MAML3: variants seen among roughly 807,000 people sequenced by gnomAD.
MAML3 encodes the protein mastermind-like protein 3.
MAML3 carries 27 observed loss-of-function variants against 101.9 expected under a neutral mutation model. That is an observed-to-expected ratio of 0.27 (90% CI 0.20 to 0.37). The LOEUF (loss-of-function observed/expected upper bound fraction) is 0.37, where lower values mean the gene tolerates loss of function less well. MAML3 is among the 10% of genes least tolerant of loss of function. The pLI is 1.00. For missense variants in MAML3, 1,316 were observed against 1,444.9 expected (o/e 0.91, Z 1.45); for synonymous variants, 501 against 555.9 (o/e 0.90, Z 1.39).
chr4:140,147,916 A>ATGTGTGTG (rs5862457), intron 1 of MAML3, among the ~76,000 whole-genome samples: 12 of 150,888 alleles, frequency 8.0e-5, no homozygotes, highest in African/African-American at 1.9e-4. Flanking sequence ...GAATGAGTGA[A>ATGTGTGTG]TGTGTGTGTG....
intron 2 of MAML3, among the ~76,000 whole-genome samples, chr4:139,853,049 A>AGAC (rs1045664892): frequency 6.6e-6 from 1 of 152,254 alleles, no homozygotes; most frequent in Non-Finnish European, 1.5e-5. Flanking sequence ...CTTGTGTTAC[A>AGAC]GACAAGACCT....
At chr4:140,112,555 G>A (rs1469590391) in intron 1 of MAML3, among the ~76,000 whole-genome samples, 1 of 152,210 alleles carries the variant, frequency 6.6e-6, no homozygotes, top group African/African-American at 2.4e-5. Context: ...CACACAGCTG[G>A]GCTATGAAAG....
intron 1 of MAML3, among the ~76,000 whole-genome samples, chr4:140,121,059 T>C (rs1428943174): frequency 6.6e-6 from 1 of 152,236 alleles, no homozygotes; most frequent in African/African-American, 2.4e-5. Flanking sequence ...ATTCTGCCAG[T>C]GGATATGCTG....
chr4:140,079,237 T>C (rs185509281), intron 1 of MAML3, among the ~76,000 whole-genome samples: 107 of 152,276 alleles, frequency 7.0e-4, no homozygotes, highest in African/African-American at 2.5e-3. Flanking sequence ...TGAATGAACA[T>C]CCTTCTGAAA....
chr4:140,132,080 C>T (rs1485613016), intron 1 of MAML3, among the ~76,000 whole-genome samples: 2 of 152,190 alleles, frequency 1.3e-5, no homozygotes, highest in African/African-American at 2.4e-5. Flanking sequence ...GAGCCTACAC[C>T]CATGCAATCA....
chr4:140,057,708 T>G (rs1174428994), intron 1 of MAML3, among the ~76,000 whole-genome samples: 5 of 152,190 alleles, frequency 3.3e-5, no homozygotes, highest in African/African-American at 4.8e-5. Context: ...TGGGGAGGTA[T>G]TAAACTCATT....
chr4:139,998,519 C>T, intron 1 of MAML3, among the ~76,000 whole-genome samples: 1 of 152,206 alleles, frequency 6.6e-6, no homozygotes, highest in East Asian at 1.9e-4. Context: ...TTGTTTTATA[C>T]ATAATGTTGA....
intron 1 of MAML3, among the ~76,000 whole-genome samples, chr4:140,083,695 C>G (rs1331252217): frequency 6.6e-6 from 1 of 152,090 alleles, no homozygotes; most frequent in African/African-American, 2.4e-5. Flanking sequence ...GAAGGTTCCC[C>G]TAAGTTTCCC....
rs1463855515 is a variant in MAML3 at position 139,990,496 on chromosome 4, AG to A, written c.469-99530del. Among the ~76,000 whole-genome samples the A allele has an allele frequency of 3.0e-4, 45 of 149,872 alleles. 1 individual carries two copies. Among genetic ancestry groups the A allele is most frequent in the Non-Finnish European group, 8.9e-5 (6 of 67,482 alleles). On this transcript the variant is annotated intron_variant, in intron 1 of 4. Coordinates refer to ENST00000509479, the MANE Select transcript of MAML3 (RefSeq NM_018717.5). ...TTCCCTTTGAAAACTGGCACAAGAC[AG>A]GGATGCCCTCTCTCACCACTCCTAT...
chr4:139,875,606 T>C (rs1448062660), intron 2 of MAML3, among the ~76,000 whole-genome samples: 1 of 152,142 alleles, frequency 6.6e-6, no homozygotes, highest in Non-Finnish European at 1.5e-5. Context: ...GCTCCTGACC[T>C]CACAGCAGGA....
intron 1 of MAML3, among the ~76,000 whole-genome samples, chr4:139,945,965 C>G (rs1275103297): frequency 2.6e-5 from 4 of 152,194 alleles, no homozygotes; most frequent in Non-Finnish European, 5.9e-5. Context: ...CACTGCACAC[C>G]TTCTCAGTCC....
At position 140,153,286 on chromosome 4, in the gene MAML3, A is replaced by T; in HGVS notation, c.42T>A (p.Ser14Arg). 1 of 1,605,410 alleles carries T rather than the reference A, an allele frequency of 6.2e-7. No individual in the cohort carries two copies. The highest frequency in any genetic ancestry group is 8.5e-7 in the Non-Finnish European group (1 of 1,175,650). The change falls in exon 1 of 5, where the codon AGT becomes AGA. Residue 14 changes from serine (S) to arginine (R), a missense_variant. Ser to Arg is a moderately radical substitution (Grantham distance 110). Coordinates refer to ENST00000509479, the MANE Select transcript of MAML3 (RefSeq NM_018717.5). ...FAAPAAAANG[S>R]SICINSSLNS... Reference sequence around the variant, plus strand: ...TCAGGCTACTGTTGATGCAAATACTACTGCCATTCGCGGCAGCAGCGGGGG... The same window carrying T: ...TCAGGCTACTGTTGATGCAAATACTTCTGCCATTCGCGGCAGCAGCGGGGG...
intron 1 of MAML3, among the ~76,000 whole-genome samples, chr4:140,014,413 A>G (rs942742933): frequency 6.6e-6 from 1 of 152,252 alleles, no homozygotes; most frequent in Non-Finnish European, 1.5e-5. Context: ...TGCAAAAACT[A>G]GGAACAGCCT....
chr4:140,112,106 C>T (rs1728447701), intron 1 of MAML3, among the ~76,000 whole-genome samples: 1 of 151,926 alleles, frequency 6.6e-6, no homozygotes, highest in Non-Finnish European at 1.5e-5. Context: ...TTTACCTCTC[C>T]CCTCATTTGT....
intron 1 of MAML3, among the ~76,000 whole-genome samples, chr4:140,142,089 T>A (rs1460455068): frequency 6.6e-6 from 1 of 152,218 alleles, no homozygotes; most frequent in Non-Finnish European, 1.5e-5. Flanking sequence ...CAATATGGAA[T>A]GCTATATAGC....
intron 2 of MAML3, among the ~76,000 whole-genome samples, chr4:139,786,089 G>A (rs533568685): frequency 6.6e-6 from 1 of 152,018 alleles, no homozygotes; most frequent in Non-Finnish European, 1.5e-5. Context: ...GTTCATCTAA[G>A]AAGAGGAAAT....
chr4:140,135,925 A>G (rs1728874930), intron 1 of MAML3, among the ~76,000 whole-genome samples: 1 of 152,180 alleles, frequency 6.6e-6, no homozygotes, highest in African/African-American at 2.4e-5. Context: ...TTCTCCTTCA[A>G]CCTAATGAAT....
chr4:139,719,394 C>T lies in MAML3; in HGVS notation c.3346G>A (p.Asp1116Asn), dbSNP rs1229815925. Residue 1116 changes from aspartate (D) to asparagine (N), a missense_variant, in exon 5 of 5, where the codon GAC becomes AAC. Transcript: ENST00000509479. ...PGLPDGADLV[D>N]SIIKGGPGDE... is the part of the protein sequence containing the mutation. The stretch of plus-strand genomic sequence containing the variant: ...CCTGGCCCGCCTTTGATGATGGAGT[C>T]CACAAGGTCTGCACCGTCCGGGAGG... 6.2e-7 allele frequency: 1 copy of T among 1,613,890 alleles called. No individual in the cohort carries two copies. Among genetic ancestry groups the T allele is most frequent in the Non-Finnish European group, 8.5e-7 (1 of 1,179,804 alleles).
chr4:140,086,524 A>C (rs549243347), intron 1 of MAML3, among the ~76,000 whole-genome samples: 1 of 152,360 alleles, frequency 6.6e-6, no homozygotes, highest in South Asian at 2.1e-4. Flanking sequence ...TTAAGGGAAA[A>C]AAAAAGGCAT....
Sources: gnomAD v4.1 joint callset for allele counts (sites outside exome capture counted in the v4.1 genomes callset) on GRCh38, gnomAD v4.1.1 for gene constraint, MANE v1.5 for transcripts, NCBI Gene and HGNC (gene_info 2026-07-23, HGNC 2026-07-21) for gene names.